The following ZFPM1 variants were observed in gnomAD, a reference collection of about 807,000 sequenced individuals.
ZFPM1 encodes zinc finger protein, FOG family member 1, also known as zinc finger protein ZFPM1.
A neutral mutation model predicts 46.3 loss-of-function variants in ZFPM1; 28 were observed. The observed-to-expected ratio is 0.60, with a 90% CI of 0.45 to 0.83. The LOEUF (loss-of-function observed/expected upper bound fraction) is 0.83. Ranked by LOEUF, ZFPM1 falls within the 40% of genes least tolerant of loss-of-function variation. The pLI, the probability that ZFPM1 is intolerant of heterozygous loss-of-function variation, is 0.00. For missense variants in ZFPM1, 1,878 were observed against 1,432.4 expected, an observed-to-expected ratio of 1.31 and a Z score of -5.02; for synonymous variants, 957 against 675.9, an observed-to-expected ratio of 1.42 and a Z score of -6.45.
At position 88,533,574 on chromosome 16, in the gene ZFPM1, C is replaced by A; in HGVS notation, c.1616C>A (p.Ala539Asp). The A allele has an allele frequency of 6.7e-7, 1 of 1,496,542 alleles. No individual in the cohort carries two copies. Among genetic ancestry groups the A allele is most frequent in the East Asian group, 2.9e-5 (1 of 34,318 alleles). 92.7% of individuals were successfully genotyped at this position (1,496,542 alleles called of 1,614,324 possible). The stretch of plus-strand genomic sequence containing the variant: ...TTCGGGCCCGACGCGGCGCCCCCCG[C>A]CTCGGAGATCCTGGCCAAGATGTCC... The part of the protein sequence containing the change: ...YVFGPDAAPP[A>D]SEILAKMSEL... The change falls in exon 10 of 10, where the codon GCC becomes GAC. Residue 539 changes from alanine (A) to aspartate (D), a missense_variant. Physicochemically the swap from Ala to Asp is moderately radical, Grantham distance 126. Coordinates refer to ENST00000319555, the MANE Select transcript of ZFPM1 (RefSeq NM_153813.3).
intron 1 of ZFPM1, 150 bp from the exon 2 acceptor site, chr16:88,485,789 C>G: frequency 1.6e-6 from 1 of 643,776 alleles, no homozygotes; most frequent in Non-Finnish European, 2.7e-6. Context: ...AGCCACCTGT[C>G]CTTTGACCTC....
chr16:88,520,773 TTGGG>T (rs1231515615), intron 4 of ZFPM1, among the ~76,000 whole-genome samples: 3 of 90,730 alleles, frequency 3.3e-5, no homozygotes, highest in African/African-American at 1.4e-4. Flanking sequence ...GGATGGATGA[TTGGG>T]TGGATGGATG....
intron 3 of ZFPM1, among the ~76,000 whole-genome samples, chr16:88,505,985 G>T (rs1910636299): frequency 6.6e-6 from 1 of 152,222 alleles, no homozygotes; most frequent in African/African-American, 2.4e-5. Flanking sequence ...TCTCAGGAAG[G>T]CAGGTTCTGT....
At chr16:88,526,387 CCT>C (rs1168350212) in intron 4 of ZFPM1, among the ~76,000 whole-genome samples, 2 of 152,176 alleles carry the variant, frequency 1.3e-5, no homozygotes, top group Non-Finnish European at 2.9e-5. Flanking sequence ...AGGTCCAGCC[CCT>C]GTGGGAACAG....
intron 3 of ZFPM1, among the ~76,000 whole-genome samples, chr16:88,501,137 C>T (rs796095886): frequency 2.4e-4 from 31 of 127,624 alleles, no homozygotes; most frequent in African/African-American, 7.7e-4. Flanking sequence ...ATGCGGGGGC[C>T]ATCCCGCAGG....
intron 3 of ZFPM1, among the ~76,000 whole-genome samples, chr16:88,499,932 G>A (rs1301007920): frequency 6.6e-6 from 1 of 152,218 alleles, no homozygotes; most frequent in Non-Finnish European, 1.5e-5. Context: ...CCCATGAGGA[G>A]CGCAGCCGGA....
At chr16:88,459,714 C>T (rs1397832940) in intron 1 of ZFPM1, among the ~76,000 whole-genome samples, 2 of 87,898 alleles carry the variant, frequency 2.3e-5, no homozygotes, top group Non-Finnish European at 4.8e-5. Context: ...CCCTTCCCCT[C>T]TTCCCCTTCC....
At position 88,532,716 on chromosome 16, in the gene ZFPM1, A is replaced by G. The variant is rs1366122939; in HGVS notation, c.1042+7A>G. On this transcript the variant is annotated splice_region_variant and intron_variant, in intron 8 of 9. Coordinates refer to ENST00000319555, the MANE Select transcript of ZFPM1 (RefSeq NM_153813.3). Reference sequence around the variant, plus strand: ...CACACGGACACGCTGAGCGGTAGGCACCGCAGGGGCCGGGGGGTGTGTGGG... The same window carrying G: ...CACACGGACACGCTGAGCGGTAGGCGCCGCAGGGGCCGGGGGGTGTGTGGG... The G allele has an allele frequency of 1.9e-6, 3 of 1,611,922 alleles. No individual in the cohort carries two copies. In the African/African-American group the frequency reaches 4.0e-5, roughly 22 times the overall value.
intron 6 of ZFPM1, among the ~76,000 whole-genome samples, chr16:88,531,472 C>G (rs910927880): frequency 2.0e-5 from 3 of 152,190 alleles, no homozygotes; most frequent in Non-Finnish European, 4.4e-5. Context: ...GGCTTCCTAA[C>G]TTGTGCACTC....
At position 88,534,962 on chromosome 16, in the gene ZFPM1, G is replaced by A; in HGVS notation, c.3004G>A (p.Ala1002Thr). 1 of 1,475,168 alleles carries A rather than the reference G, an allele frequency of 6.8e-7. No homozygotes were observed. Among genetic ancestry groups the A allele is most frequent in the Non-Finnish European group, 9.1e-7 (1 of 1,102,092 alleles). 91.4% of individuals were successfully genotyped at this position (1,475,168 alleles called of 1,614,324 possible). Reference sequence around the variant, plus strand: ...GAAGTATTACTGCTCCTCGCACGCCGCCGAGCACGTGAAGTGAGCGCCCAC... The same window carrying A: ...GAAGTATTACTGCTCCTCGCACGCCACCGAGCACGTGAAGTGAGCGCCCAC... Reference protein sequence around the residue: ...HKKYYCSSHAAEHVK With the variant: ...HKKYYCSSHATEHVK Residue 1002 changes from alanine to threonine, a missense_variant, in exon 10 of 10, where the codon GCC (alanine) becomes ACC (threonine). Coordinates refer to ENST00000319555, the MANE Select transcript of ZFPM1 (RefSeq NM_153813.3).
intron 1 of ZFPM1, among the ~76,000 whole-genome samples, chr16:88,481,100 G>A (rs908828038): frequency 1.3e-5 from 2 of 152,194 alleles, no homozygotes; most frequent in African/African-American, 4.8e-5. Context: ...TTTCCATTTC[G>A]GCGTCCGGCT....
intron 1 of ZFPM1, among the ~76,000 whole-genome samples, chr16:88,459,894 C>A (rs1907739670): frequency 6.7e-6 from 1 of 150,022 alleles, no homozygotes; most frequent in Non-Finnish European, 1.5e-5. Context: ...AGCTGTCTCC[C>A]AGGACAGCCC....
In ZFPM1 at chr16:88,464,526, T is replaced by C. The variant is rs555419913; in HGVS notation, c.40+10848T>C. Among the ~76,000 whole-genome samples the C allele has an allele frequency of 2.0e-5, 3 of 152,292 alleles. No individual in the cohort carries two copies. The East Asian group carries it at 5.8e-4, about 29-fold the overall frequency. On this transcript the variant is annotated intron_variant, in intron 1 of 9. Transcript: ENST00000319555. Reference sequence around the variant, plus strand: ...TCTTGGGACCTTGAGGCAGTCAGCCTCAGTTTCCCCCATTGCTCATAGGCC... The same window carrying C: ...TCTTGGGACCTTGAGGCAGTCAGCCCCAGTTTCCCCCATTGCTCATAGGCC...
At position 88,526,782 on chromosome 16, in the gene ZFPM1, C is replaced by T. The variant is rs552815912; in HGVS notation, c.403-32C>T. 45 of 1,520,944 alleles carry T rather than the reference C, an allele frequency of 3.0e-5. No homozygotes were observed. In the African/African-American group the frequency reaches 6.2e-4, roughly 21 times the overall value. The allele number at this position is 1,520,944 out of a possible 1,614,324, so 94.2% of individuals were successfully genotyped here. ...CCCCCAGGCAGGCTGCTGACGGACC[C>T]CTCCCCACGTGTTCCTACCCTCCCC... On this transcript the variant is annotated intron_variant, in intron 4 of 9. Transcript: ENST00000319555.
In ZFPM1 at chr16:88,536,491, G is replaced by GAA. The variant is rs1312385879; in HGVS notation, c.*1513_*1514dup. ...TCCCAGCCCATTTCCAACTCTACTT[G>GAA]AACTAGCTGCATTTTTTTCAGCTTT... On this transcript the variant is annotated 3_prime_UTR_variant, in exon 10 of 10. Transcript: ENST00000319555. 6.6e-6 allele frequency: 1 copy of GAA among 152,226 alleles called. No homozygotes were observed. Among genetic ancestry groups the GAA allele is most frequent in the Admixed American group, 6.5e-5 (1 of 15,284 alleles). The allele number at this position is 152,226 out of a possible 1,614,324, so 9.4% of individuals were successfully genotyped here.
At chr16:88,499,442 C>T (rs1171062469) in intron 3 of ZFPM1, among the ~76,000 whole-genome samples, 1 of 152,198 alleles carries the variant, frequency 6.6e-6, no homozygotes, top group Admixed American at 6.5e-5. Flanking sequence ...CAGGCCAGGG[C>T]AGAGGAAGCC....
rs979791766 is a variant in ZFPM1 at position 88,497,770 on chromosome 16, C to T, written c.268+8617C>T. 1.3e-5 allele frequency among the ~76,000 whole-genome samples: 2 copies of T among 152,084 alleles called. No individual in the cohort carries two copies. The highest frequency in any genetic ancestry group is 2.4e-5 in the African/African-American group (1 of 41,402). ...CGAAGGGTCCCCCGCCCCAGGGTCC[C>T]GACAGGGCCCGCCCGAGGCTGGGAA... On this transcript the variant is annotated intron_variant, in intron 3 of 9. Transcript: ENST00000319555. The surrounding 1 kb of genome is among the most constrained non-coding windows in gnomAD (Gnocchi z 5.4).
intron 4 of ZFPM1, 113 bp from the exon 5 acceptor site, chr16:88,526,701 A>T: frequency 5.9e-6 from 7 of 1,182,620 alleles, no homozygotes; most frequent in Non-Finnish European, 8.4e-6. Flanking sequence ...AGCTTGGCCT[A>T]CCAGCCAAGC....
chr16:88,457,610 C>T (rs1349412460), intron 1 of ZFPM1, among the ~76,000 whole-genome samples: 1 of 152,158 alleles, frequency 6.6e-6, no homozygotes, highest in Non-Finnish European at 1.5e-5. Context: ...GTCCTGATCC[C>T]AGCCACGTTT....
Sources: gnomAD v4.1 joint callset for allele counts (sites outside exome capture counted in the v4.1 genomes callset) on GRCh38, gnomAD v4.1.1 for gene constraint, Gnocchi (gnomAD v3.1) non-coding constraint, MANE v1.5 for transcripts, NCBI Gene and HGNC (gene_info 2026-07-23, HGNC 2026-07-21) for gene names.